The following PDE4B variants were observed in gnomAD, a reference collection of about 807,000 sequenced individuals.
PDE4B encodes the protein 3',5'-cyclic-AMP phosphodiesterase 4B.
Under a neutral mutation model 82.2 loss-of-function variants are expected in PDE4B, and 20 were observed. The observed-to-expected ratio is 0.24, with a 90% confidence interval of 0.17 to 0.35. PDE4B has a LOEUF of 0.35. PDE4B is among the 10% of genes least tolerant of loss of function. The pLI is 1.00. For missense variants in PDE4B, 655 were observed against 907.2 expected (o/e 0.72, Z 3.57); for synonymous variants, 320 against 318.9 (o/e 1.00, Z -0.04).
At chr1:66,161,495 C>G (rs1646612424) in intron 3 of PDE4B, among the ~76,000 whole-genome samples, 1 of 152,098 alleles carries the variant, frequency 6.6e-6, no homozygotes, top group Non-Finnish European at 1.5e-5. Context: ...TCTTTTTCCA[C>G]AGGTGCTCTA....
chr1:66,160,482 G>A (rs1167676692), intron 3 of PDE4B, among the ~76,000 whole-genome samples: 1 of 152,120 alleles, frequency 6.6e-6, no homozygotes. Context: ...CAGTTACGTG[G>A]CTACATGAGA....
At chr1:65,943,110 C>G (rs1041416195) in intron 3 of PDE4B, among the ~76,000 whole-genome samples, 3 of 151,810 alleles carry the variant, frequency 2.0e-5, no homozygotes, top group Non-Finnish European at 4.4e-5. Context: ...GGAGCTTTTC[C>G]CCTATGTTTT....
chr1:66,165,222 T>C (rs1646704392), intron 3 of PDE4B, among the ~76,000 whole-genome samples: 1 of 152,200 alleles, frequency 6.6e-6, no homozygotes, highest in Non-Finnish European at 1.5e-5. Context: ...GATTAAGTAA[T>C]GTAAAGTTTG....
intron 3 of PDE4B, chr1:66,046,277 A>T (rs1215896816): frequency 1.3e-5 from 2 of 151,798 alleles, no homozygotes; most frequent in East Asian, 3.9e-4. Context: ...AATAAAGTAA[A>T]ATTATTAATT....
rs1221079939 is a variant in PDE4B at position 66,369,075 on chromosome 1, A to G, written c.1845+106A>G. 7.5e-6 allele frequency: 6 copies of G among 797,320 alleles called. No individual in the cohort carries two copies. In the Admixed American group the frequency reaches 2.0e-4, roughly 26 times the overall value. The allele number at this position is 797,320 out of a possible 1,614,324, so 49.4% of individuals were successfully genotyped here. The stretch of plus-strand genomic sequence containing the variant: ...CAATAGAATATGTATATATGAAACA[A>G]TAAGGAGACAACTACGCATTTTGTT... On this transcript the variant is annotated intron_variant, in intron 16 of 16. Transcript: ENST00000341517.
intron 9 of PDE4B, among the ~76,000 whole-genome samples, chr1:66,359,064 A>G (rs1016676460): frequency 2.0e-5 from 3 of 152,326 alleles, no homozygotes; most frequent in Non-Finnish European, 1.5e-5. Context: ...ACCTAGGGAG[A>G]AGGAGAATAA....
At chr1:66,254,718 A>G (rs61511334) in intron 4 of PDE4B, among the ~76,000 whole-genome samples, 2,806 of 152,264 alleles carry the variant, frequency 0.018, 80 homozygotes, top group African/African-American at 0.062. Context: ...TCAGATATCC[A>G]TTTTTTAAAT....
At chr1:66,197,108 T>C (rs911576859) in intron 3 of PDE4B, among the ~76,000 whole-genome samples, 10 of 152,120 alleles carry the variant, frequency 6.6e-5, no homozygotes, top group African/African-American at 2.4e-4. Context: ...TCTGTTTATG[T>C]TGCCGCAGTC....
intron 3 of PDE4B, among the ~76,000 whole-genome samples, chr1:66,109,200 A>G (rs1002596026): frequency 8.6e-5 from 13 of 151,918 alleles, no homozygotes; most frequent in African/African-American, 3.1e-4. Flanking sequence ...ACTTCTTAAA[A>G]TTTTCTTTGC....
At chr1:66,287,946 C>A (rs981778744) in intron 7 of PDE4B, among the ~76,000 whole-genome samples, 5 of 152,000 alleles carry the variant, frequency 3.3e-5, no homozygotes, top group African/African-American at 1.2e-4. Flanking sequence ...TGCACTCCAG[C>A]CTGGGTGACA....
intron 3 of PDE4B, among the ~76,000 whole-genome samples, chr1:66,067,270 T>C (rs1206277930): frequency 6.6e-6 from 1 of 152,058 alleles, no homozygotes; most frequent in African/African-American, 2.4e-5. Flanking sequence ...CCACACTGAC[T>C]TCCACAATGG....
Position 66,365,744 on chromosome 1 carries a change from C to T in PDE4B, c.1362C>T (p.Ser454=), listed in dbSNP as rs1663195681. Residue 454 remains serine (S), a synonymous_variant, in exon 13 of 17, where the codon TCC becomes TCT. Transcript: ENST00000341517. ...AIHDVDHPGV[S]NQFLINTNSE... The stretch of plus-strand genomic sequence containing the variant: ...ATGACGTTGATCATCCTGGAGTCTC[C>T]AATCAGTTTCTCATCAACACAAGTG... 2 of 1,597,732 alleles carry T rather than the reference C, an allele frequency of 1.3e-6. No individual in the cohort carries two copies. The highest frequency in any genetic ancestry group is 1.7e-6 in the Non-Finnish European group (2 of 1,167,212).
intron 7 of PDE4B, among the ~76,000 whole-genome samples, chr1:66,321,356 C>G (rs1659391124): frequency 6.6e-6 from 1 of 152,154 alleles, no homozygotes; most frequent in South Asian, 2.1e-4. Flanking sequence ...TGTTTCAAAT[C>G]CATTTACCTC....
At chr1:65,911,006 A>T (rs1243645086) in intron 1 of PDE4B, among the ~76,000 whole-genome samples, 1 of 152,168 alleles carries the variant, frequency 6.6e-6, no homozygotes, top group Non-Finnish European at 1.5e-5. Context: ...TTATTGTAGA[A>T]CATTTGGAAA....
intron 3 of PDE4B, among the ~76,000 whole-genome samples, chr1:66,160,586 C>A (rs773952257): frequency 6.6e-6 from 1 of 152,144 alleles, no homozygotes; most frequent in Non-Finnish European, 1.5e-5. Flanking sequence ...TCGCACTCAG[C>A]AGATAGTTAA....
chr1:66,363,299 A>G (rs1662957476), intron 11 of PDE4B, 33 bp downstream of exon 11: 16 of 1,552,310 alleles, frequency 1.0e-5, no homozygotes, highest in African/African-American at 1.4e-5. Flanking sequence ...TGGCTTTCCA[A>G]TTGGATGGCT....
At chr1:65,975,929 C>T (rs1569864365) in intron 3 of PDE4B, among the ~76,000 whole-genome samples, 2 of 152,208 alleles carry the variant, frequency 1.3e-5, no homozygotes, top group Admixed American at 1.3e-4. Context: ...CCTGGAGAAC[C>T]TCTACTAGGG....
chr1:66,361,545 T>C (rs1225304256), intron 9 of PDE4B, 70 bp from the exon 10 acceptor site: 1 of 1,201,688 alleles, frequency 8.3e-7, no homozygotes, highest in Non-Finnish European at 1.2e-6. Flanking sequence ...ATGGTTAGAG[T>C]TGTTTTGAAT....
intron 1 of PDE4B, among the ~76,000 whole-genome samples, chr1:65,839,019 A>G (rs1057253814): frequency 2.6e-5 from 4 of 152,194 alleles, no homozygotes; most frequent in African/African-American, 7.2e-5. Flanking sequence ...TTTATTGCTG[A>G]AAATCAGTTG....
Sources: gnomAD v4.1 joint callset for allele counts (sites outside exome capture counted in the v4.1 genomes callset) on GRCh38, gnomAD v4.1.1 for gene constraint, MANE v1.5 for transcripts, NCBI Gene and HGNC (gene_info 2026-07-23, HGNC 2026-07-21) for gene names.